The following CD48 variants were observed in gnomAD, a reference collection of about 807,000 sequenced individuals.
The protein encoded by CD48 is CD48 molecule.
CD48 carries 20 observed loss-of-function variants against 22.0 expected under a neutral mutation model. The ratio of observed to expected loss-of-function variants is 0.91; its 90% CI spans 0.64 to 1.32. The LOEUF (loss-of-function observed/expected upper bound fraction) is 1.32, where lower values mean the gene tolerates loss of function less well. Ranked by LOEUF, CD48 falls within the 40% of genes most tolerant of loss-of-function variation. The pLI is 0.00. For synonymous variants in CD48, 110 were observed against 110.1 expected (o/e 1.00, Z 0.01); for missense variants, 307 against 286.5 (o/e 1.07, Z -0.52).
chr1:160,683,312 G>T (rs916914151), intron 2 of CD48, among the ~76,000 whole-genome samples: 2 of 152,112 alleles, frequency 1.3e-5, no homozygotes, highest in East Asian at 3.9e-4. Context: ...GCTTGGGCTG[G>T]ACCAGAGGAC....
In CD48 at chr1:160,679,129, G is replaced by A. The variant is rs577061322; in HGVS notation, c.655C>T (p.Arg219Trp). ...GCAATCCATTCTACTCCAAAGGACC[G>A]GGCTGAAAGAGCAAGAAAACCCTAT... is the stretch of plus-strand genomic sequence containing the variant. ...VCLSPPCTLA[R>W]SFGVEWIASW... The change falls in exon 4 of 4, where the codon CGG becomes TGG. Residue 219 changes from arginine to tryptophan, a missense_variant and splice_region_variant. Arg to Trp is a moderately radical substitution (Grantham distance 101, BLOSUM62 -3). Transcript: ENST00000368046. The A allele has an allele frequency of 2.5e-6, 4 of 1,613,964 alleles. No individual in the cohort carries two copies. Among genetic ancestry groups the A allele is most frequent in the Non-Finnish European group, 3.4e-6 (4 of 1,179,832 alleles).
intron 1 of CD48, among the ~76,000 whole-genome samples, chr1:160,707,996 G>T (rs1479495932): frequency 6.6e-6 from 1 of 152,146 alleles, no homozygotes; most frequent in Non-Finnish European, 1.5e-5. Flanking sequence ...TTAATCAGAT[G>T]ATTTCGCTAT....
At chr1:160,690,829 A>G (rs1294048156) in intron 1 of CD48, among the ~76,000 whole-genome samples, 1 of 152,220 alleles carries the variant, frequency 6.6e-6, no homozygotes, top group Non-Finnish European at 1.5e-5. Context: ...GTGTCTGTAT[A>G]GAAAGAAGTA....
intron 1 of CD48, among the ~76,000 whole-genome samples, chr1:160,704,844 A>G (rs1662744818): frequency 2.6e-5 from 4 of 152,090 alleles, no homozygotes. Context: ...CATTTTTAAA[A>G]ACCTGGTTTG....
intron 1 of CD48, among the ~76,000 whole-genome samples, chr1:160,704,536 G>A (rs941356157): frequency 2.0e-5 from 3 of 152,212 alleles, no homozygotes; most frequent in Non-Finnish European, 2.9e-5. Flanking sequence ...TGTTGCAATC[G>A]GGCTGCAGGT....
At position 160,703,636 on chromosome 1, in the gene CD48, T is replaced by C. The variant is rs1273141566; in HGVS notation, c.82+8046A>G. The stretch of plus-strand genomic sequence containing the variant: ...CAATCAACACACTAACAGAACACAC[T>C]GTATAGTATGTAAGGAGATGATAAC... On this transcript the variant is annotated intron_variant, in intron 1 of 3. Transcript: ENST00000368046. Among the ~76,000 whole-genome samples, 4 of 152,230 alleles carry C rather than the reference T, an allele frequency of 2.6e-5. No homozygotes were observed. The East Asian group carries it at 7.7e-4, about 29-fold the overall frequency.
chr1:160,691,193 C>A (rs1662202069), intron 1 of CD48, among the ~76,000 whole-genome samples: 2 of 151,938 alleles, frequency 1.3e-5, no homozygotes, highest in Admixed American at 1.3e-4. Flanking sequence ...CGTCCCCCAG[C>A]CCGACACCCG....
chr1:160,685,853 G>A (rs1661979676), intron 1 of CD48, among the ~76,000 whole-genome samples: 1 of 152,146 alleles, frequency 6.6e-6, no homozygotes, highest in African/African-American at 2.4e-5. Context: ...AAGATACAGG[G>A]CAAATTGTCC....
At chr1:160,688,376 C>T (rs1307840705) in intron 1 of CD48, among the ~76,000 whole-genome samples, 2 of 152,270 alleles carry the variant, frequency 1.3e-5, no homozygotes, top group East Asian at 3.9e-4. Context: ...TTACTGGAAT[C>T]CAGATTCCTT....
chr1:160,707,145 C>A (rs1247960924), intron 1 of CD48, among the ~76,000 whole-genome samples: 2 of 152,056 alleles, frequency 1.3e-5, no homozygotes, highest in Non-Finnish European at 2.9e-5. Flanking sequence ...TGGTGAGAAG[C>A]TGAGCAGGCT....
At chr1:160,693,400 A>T (rs1662298946) in intron 1 of CD48, among the ~76,000 whole-genome samples, 1 of 152,222 alleles carries the variant, frequency 6.6e-6, no homozygotes. Context: ...GATCAGATGT[A>T]ATCTCAGAGT....
chr1:160,681,114 G>A, intron 3 of CD48, 88 bp downstream of exon 3: 1 of 1,601,130 alleles, frequency 6.2e-7, no homozygotes, highest in Non-Finnish European at 8.5e-7. Flanking sequence ...CACTGTGCAA[G>A]GAGGCTGAAT....
intron 1 of CD48, among the ~76,000 whole-genome samples, chr1:160,686,386 A>C (rs1278182023): frequency 1.3e-5 from 2 of 152,184 alleles, no homozygotes; most frequent in African/African-American, 2.4e-5. Context: ...ATGGGAATAT[A>C]TTCCTATCCG....
intron 1 of CD48, among the ~76,000 whole-genome samples, chr1:160,695,958 C>G (rs1662403140): frequency 6.6e-6 from 1 of 152,266 alleles, no homozygotes; most frequent in African/African-American, 2.4e-5. Context: ...TTAGACAAGC[C>G]TTTATCAATT....
rs1661707860 is a variant in CD48 at position 160,679,063 on chromosome 1, A to G, written c.721T>C (p.Leu241=). 1.2e-6 allele frequency: 2 copies of G among 1,613,716 alleles called. No homozygotes were observed. Among genetic ancestry groups the G allele is most frequent in the Non-Finnish European group, 1.7e-6 (2 of 1,179,708 alleles). The change falls in exon 4 of 4, where the codon TTA becomes CTA. Residue 241 remains leucine, a synonymous_variant. Coordinates refer to ENST00000368046, the MANE Select transcript of CD48 (RefSeq NM_001778.4). ...TAAAAGAGCTCATCTCAGGTAAGTA[A>G]CAGGCCAAGAATGGTGGGCACCGTG... is the stretch of plus-strand genomic sequence containing the variant. The part of the protein sequence containing the change: ...VVTVPTILGL[L]LT
intron 2 of CD48, chr1:160,684,107 C>G (rs1661904351): frequency 6.6e-6 from 1 of 152,230 alleles, no homozygotes; most frequent in Non-Finnish European, 1.5e-5. Context: ...TAGGCACAGT[C>G]CACAGATTCC....
chr1:160,682,706 C>T (rs1010877702), intron 2 of CD48, among the ~76,000 whole-genome samples: 4 of 152,282 alleles, frequency 2.6e-5, no homozygotes, highest in Non-Finnish European at 4.4e-5. Context: ...TAAGATAAAA[C>T]GTCACCTGTC....
At chr1:160,683,958 A>G (rs1191647991) in intron 2 of CD48, 1 of 152,128 alleles carries the variant, frequency 6.6e-6, no homozygotes, top group African/African-American at 2.4e-5. Flanking sequence ...AAAAATGTTT[A>G]GATCAGGTAC....
At chr1:160,686,410 G>A (rs1662001482) in intron 1 of CD48, among the ~76,000 whole-genome samples, 2 of 152,188 alleles carry the variant, frequency 1.3e-5, no homozygotes, top group South Asian at 4.1e-4. Context: ...GGTAGGGATA[G>A]AAAATGGAGA....
Sources: allele counts gnomAD v4.1 joint callset (sites outside exome capture counted in the v4.1 genomes callset), GRCh38; gene constraint gnomAD v4.1.1; transcripts MANE v1.5; gene names NCBI Gene and HGNC (gene_info 2026-07-23, HGNC 2026-07-21).